The following ZNF33B variants were observed in gnomAD, a reference collection of about 807,000 sequenced individuals.
The protein encoded by ZNF33B is zinc finger protein 11b (KOX 2).
A neutral mutation model predicts 45.8 loss-of-function variants in ZNF33B; 29 were observed. The observed-to-expected ratio is 0.63, with a 90% CI of 0.47 to 0.86. The LOEUF is 0.86. Among genes scored for constraint, ZNF33B ranks in the 40% least tolerant of loss-of-function variants. The probability of loss-of-function intolerance (pLI) is 0.00; values close to 1 mark genes in which losing one functional copy is unlikely to be tolerated. For missense variants in ZNF33B, 831 were observed against 909.9 expected, an observed-to-expected ratio of 0.91 and a Z score of 1.12; for synonymous variants, 305 against 307.8, an observed-to-expected ratio of 0.99 and a Z score of 0.10.
At chr10:42,603,530 A>G (rs1837715171) in intron 4 of ZNF33B, among the ~76,000 whole-genome samples, 1 of 152,196 alleles carries the variant, frequency 6.6e-6, no homozygotes, top group South Asian at 2.1e-4. Context: ...ATACATACAC[A>G]GATTTTCCAC....
chr10:42,582,994 G>C (rs1836855780), intron 1 of ZNF33B: 2 of 700,574 alleles, frequency 2.9e-6, no homozygotes, highest in African/African-American at 3.4e-5. Flanking sequence ...CTCATGGGAA[G>C]GTAGTTTGGA....
intron 4 of ZNF33B, among the ~76,000 whole-genome samples, chr10:42,620,429 G>T (rs181260943): frequency 2.4e-4 from 36 of 152,062 alleles, no homozygotes; most frequent in African/African-American, 8.2e-4. Flanking sequence ...TTTAGACAGG[G>T]TCTTGCTCTG....
chr10:42,598,229 A>G (rs946489966), intron 4 of ZNF33B, among the ~76,000 whole-genome samples: 1 of 152,258 alleles, frequency 6.6e-6, no homozygotes, highest in Non-Finnish European at 1.5e-5. Flanking sequence ...TTTACTGACC[A>G]TGATGACTGC....
At chr10:42,580,596 T>G (rs1836809475) in intron 1 of ZNF33B, among the ~76,000 whole-genome samples, 1 of 152,002 alleles carries the variant, frequency 6.6e-6, no homozygotes, top group Non-Finnish European at 1.5e-5. Context: ...CTGATCCCAT[T>G]TTGGAATATT....
Position 42,593,909 on chromosome 10 carries a change from A to T in ZNF33B, c.1041T>A (p.His347Gln). The T allele has an allele frequency of 6.2e-7, 1 of 1,614,000 alleles. No individual in the cohort carries two copies. The highest frequency in any genetic ancestry group is 8.5e-7 in the Non-Finnish European group (1 of 1,179,926). The change falls in exon 5 of 5, where the codon CAT (histidine) becomes CAA (glutamine). Residue 347 changes from histidine to glutamine, a missense_variant. Transcript: ENST00000359467. ...GTTTCTCTCCTGTGTGCACCCTCTGATGTCGAGTGAGATGTGACTTCTCCC... is the reference window on the plus strand; with the variant it reads ...GTTTCTCTCCTGTGTGCACCCTCTGTTGTCGAGTGAGATGTGACTTCTCCC... ...AFWEKSHLTR[H>Q]QRVHTGEKHF... is the part of the protein sequence containing the mutation.
Position 42,594,162 on chromosome 10 carries a change from A to G in ZNF33B, c.788T>C (p.Leu263Ser). ...GRTFCDSSSLLFHQIPPSKDS... is the reference protein window; with the variant it reads ...GRTFCDSSSLSFHQIPPSKDS... ...CTTTGATGGAGGTATCTGATGGAACAAGAGGGATGAACTATCACAGAAAGT... is the reference window on the plus strand; with the variant it reads ...CTTTGATGGAGGTATCTGATGGAACGAGAGGGATGAACTATCACAGAAAGT... The change falls in exon 5 of 5, where the codon TTG becomes TCG. Residue 263 changes from leucine (L) to serine (S), a missense_variant. Transcript: ENST00000359467. The G allele has an allele frequency of 6.2e-7, 1 of 1,613,932 alleles. No homozygotes were observed. The highest frequency in any genetic ancestry group is 8.5e-7 in the Non-Finnish European group (1 of 1,179,952).
At chr10:42,582,961 G>A (rs1836855184) in intron 1 of ZNF33B, 2 of 611,770 alleles carry the variant, frequency 3.3e-6, no homozygotes, top group East Asian at 2.9e-5. Context: ...CGCCAGTGTT[G>A]GAGATGTGAC....
chr10:42,630,547 C>T (rs776579683), intron 4 of ZNF33B, among the ~76,000 whole-genome samples: 58 of 152,208 alleles, frequency 3.8e-4, no homozygotes, highest in Admixed American at 5.9e-4. Context: ...TAAACACCTC[C>T]TTCACTTCCT....
chr10:42,630,592 C>T (rs1266495230), intron 4 of ZNF33B, among the ~76,000 whole-genome samples: 1 of 152,154 alleles, frequency 6.6e-6, no homozygotes, highest in Non-Finnish European at 1.5e-5. Flanking sequence ...TTTGTTATTG[C>T]CCCACTTTCC....
intron 1 of ZNF33B, among the ~76,000 whole-genome samples, chr10:42,575,711 AATAT>A (rs141485546): frequency 7.0e-6 from 1 of 143,552 alleles, no homozygotes; most frequent in East Asian, 2.1e-4. Flanking sequence ...ACTGCATAAT[AATAT>A]ATATATATAT....
intron 2 of ZNF33B, 109 bp downstream of exon 2, chr10:42,636,809 CAG>C: frequency 6.8e-7 from 1 of 1,481,332 alleles, no homozygotes; most frequent in African/African-American, 1.4e-5. Context: ...GCCTGGGCGA[CAG>C]AGCGAGACTC....
In ZNF33B at chr10:42,638,530, C is replaced by G. The variant is rs1225813546; in HGVS notation, c.-101G>C. 4.1e-6 allele frequency: 2 copies of G among 483,028 alleles called. No individual in the cohort carries two copies. The highest frequency in any genetic ancestry group is 8.3e-6 in the Non-Finnish European group (2 of 242,064). 29.9% of individuals were successfully genotyped at this position (483,028 alleles called of 1,614,324 possible). A position where few individuals can be genotyped will look rare whatever the true frequency, so the allele number is the denominator to read the frequency against. ...AGAGAGCCGGTAGACCCCTGAAATCCCGGGACCGCCTCCCACGCAAAACGT... is the reference window on the plus strand; with the variant it reads ...AGAGAGCCGGTAGACCCCTGAAATCGCGGGACCGCCTCCCACGCAAAACGT... On this transcript the variant is annotated 5_prime_UTR_variant, in exon 1 of 5. Coordinates refer to ENST00000359467, the MANE Select transcript of ZNF33B (RefSeq NM_006955.3).
chr10:42,634,305 G>A (rs1839190553), intron 2 of ZNF33B, among the ~76,000 whole-genome samples: 1 of 152,134 alleles, frequency 6.6e-6, no homozygotes, highest in East Asian at 1.9e-4. Flanking sequence ...TGCTGGAGAG[G>A]CTGAGACAGG....
chr10:42,633,599 C>A (rs1230897377), intron 2 of ZNF33B, among the ~76,000 whole-genome samples: 1 of 152,164 alleles, frequency 6.6e-6, no homozygotes, highest in Non-Finnish European at 1.5e-5. Flanking sequence ...ACTAGGGCCA[C>A]AATGTAAACC....
intron 4 of ZNF33B, among the ~76,000 whole-genome samples, chr10:42,629,406 C>A (rs748817283): frequency 3.3e-5 from 5 of 151,936 alleles, no homozygotes; most frequent in South Asian, 2.1e-4. Context: ...TGACTACAGT[C>A]AAAAATAATT....
intron 4 of ZNF33B, among the ~76,000 whole-genome samples, chr10:42,624,788 G>A (rs1838729984): frequency 6.6e-6 from 1 of 152,116 alleles, no homozygotes; most frequent in Non-Finnish European, 1.5e-5. Context: ...CCTGGAACAG[G>A]ACAGTGCAAA....
At chr10:42,629,958 C>T (rs1346170869) in intron 4 of ZNF33B, among the ~76,000 whole-genome samples, 1 of 152,120 alleles carries the variant, frequency 6.6e-6, no homozygotes, top group Non-Finnish European at 1.5e-5. Context: ...TTACCCTCCC[C>T]ACTTTTAAAA....
chr10:42,596,547 T>C (rs1388666425), intron 4 of ZNF33B, among the ~76,000 whole-genome samples: 2 of 152,212 alleles, frequency 1.3e-5, no homozygotes, highest in Non-Finnish European at 1.5e-5. Context: ...GTCATTTTAA[T>C]GACAAAACAT....
intron 4 of ZNF33B, among the ~76,000 whole-genome samples, chr10:42,597,997 T>A (rs1471858064): frequency 6.6e-6 from 1 of 152,216 alleles, no homozygotes; most frequent in Non-Finnish European, 1.5e-5. Flanking sequence ...AAACCCTATT[T>A]TTAAAGTTGA....
Sources: gnomAD v4.1 joint callset for allele counts (sites outside exome capture counted in the v4.1 genomes callset) on GRCh38, gnomAD v4.1.1 for gene constraint, MANE v1.5 for transcripts, NCBI Gene and HGNC (gene_info 2026-07-23, HGNC 2026-07-21) for gene names.